CCSER1: variants seen among roughly 807,000 people sequenced by gnomAD.
CCSER1 encodes serine-rich coiled-coil domain-containing protein 1.
In CCSER1, 41 loss-of-function variants were observed where a neutral mutation model predicts 82.0. That is an observed-to-expected ratio of 0.50 (90% CI 0.39 to 0.65). The LOEUF is 0.65. Among genes scored for constraint, CCSER1 ranks in the 30% least tolerant of loss-of-function variants. The probability of loss-of-function intolerance (pLI) is 0.00; values close to 1 mark genes in which losing one functional copy is unlikely to be tolerated. For missense variants in CCSER1, 1,119 were observed against 1,064.2 expected, an observed-to-expected ratio of 1.05 and a Z score of -0.72; for synonymous variants, 414 against 383.9, an observed-to-expected ratio of 1.08 and a Z score of -0.92.
chr4:90,353,625 C>T (rs557335159), intron 3 of CCSER1, among the ~76,000 whole-genome samples: 7 of 152,256 alleles, frequency 4.6e-5, no homozygotes, highest in African/African-American at 1.4e-4. Context: ...AGGTTGTGAT[C>T]CAGGCCTTAA....
intron 7 of CCSER1, among the ~76,000 whole-genome samples, chr4:90,777,885 A>G (rs1316500643): frequency 6.6e-6 from 1 of 152,190 alleles, no homozygotes. Flanking sequence ...TCAATGCTTA[A>G]TCACAAAATA....
chr4:90,435,767 G>A (rs1480483614), intron 4 of CCSER1, among the ~76,000 whole-genome samples: 3 of 151,998 alleles, frequency 2.0e-5, no homozygotes, highest in Admixed American at 6.6e-5. Flanking sequence ...GTAATGATAC[G>A]TAAAATTTCA....
chr4:91,023,175 G>A (rs1470815632), intron 9 of CCSER1, among the ~76,000 whole-genome samples: 1 of 152,164 alleles, frequency 6.6e-6, no homozygotes, highest in African/African-American at 2.4e-5. Context: ...ACAAATGGAA[G>A]AGCATTCCAT....
intron 7 of CCSER1, among the ~76,000 whole-genome samples, chr4:90,735,247 G>T (rs537178240): frequency 6.6e-6 from 1 of 152,190 alleles, no homozygotes; most frequent in South Asian, 2.1e-4. Flanking sequence ...GAGTATATTT[G>T]CATCAATGTT....
At chr4:91,522,547 G>C (rs190570070) in intron 10 of CCSER1, among the ~76,000 whole-genome samples, 339 of 151,998 alleles carry the variant, frequency 2.2e-3, no homozygotes, top group Middle Eastern at 3.4e-3. Context: ...CTTTTATTTC[G>C]TTGAGCAGTG....
intron 4 of CCSER1, among the ~76,000 whole-genome samples, chr4:90,436,174 G>A (rs1758970679): frequency 6.6e-6 from 1 of 152,036 alleles, no homozygotes; most frequent in African/African-American, 2.4e-5. Flanking sequence ...TTAGGGTTGT[G>A]TTTTTACTTA....
intron 10 of CCSER1, among the ~76,000 whole-genome samples, chr4:91,581,343 A>G (rs920313608): frequency 6.6e-6 from 1 of 151,712 alleles, no homozygotes; most frequent in Non-Finnish European, 1.5e-5. Flanking sequence ...TGGTATAGCA[A>G]ATTTTGCCAG....
At chr4:90,666,457 C>T (rs561793374) in intron 6 of CCSER1, among the ~76,000 whole-genome samples, 1 of 152,212 alleles carries the variant, frequency 6.6e-6, no homozygotes, top group Non-Finnish European at 1.5e-5. Context: ...TGGCATTAAT[C>T]AGCCAAAAAT....
intron 9 of CCSER1, among the ~76,000 whole-genome samples, chr4:90,998,373 C>T (rs1043461716): frequency 3.3e-5 from 5 of 152,146 alleles, no homozygotes; most frequent in African/African-American, 7.2e-5. Context: ...AGCCACTGCG[C>T]CCACCCTAAT....
intron 10 of CCSER1, among the ~76,000 whole-genome samples, chr4:91,513,814 A>AT (rs201609852): frequency 0.017 from 2,605 of 150,622 alleles, 69 homozygotes; most frequent in African/African-American, 0.055. Flanking sequence ...TAATGTTACC[A>AT]TTTTTTTTTA....
chr4:91,503,221 G>A (rs957794185), intron 10 of CCSER1, among the ~76,000 whole-genome samples: 12 of 151,568 alleles, frequency 7.9e-5, no homozygotes, highest in East Asian at 3.9e-4. Flanking sequence ...GGGCGCCTGT[G>A]GTCCCAGCTA....
chr4:90,760,030 T>C (rs1750181724), intron 7 of CCSER1, among the ~76,000 whole-genome samples: 1 of 152,008 alleles, frequency 6.6e-6, no homozygotes, highest in Non-Finnish European at 1.5e-5. Context: ...AGAAGCTTTA[T>C]GGATTTCTTT....
intron 8 of CCSER1, among the ~76,000 whole-genome samples, chr4:90,882,945 T>C (rs1290447078): frequency 6.6e-6 from 1 of 152,114 alleles, no homozygotes; most frequent in Non-Finnish European, 1.5e-5. Context: ...TTTAGAGCAA[T>C]ATTTATCAAG....
At chr4:90,594,719 A>G (rs1783106802) in intron 5 of CCSER1, among the ~76,000 whole-genome samples, 1 of 152,112 alleles carries the variant, frequency 6.6e-6, no homozygotes, top group African/African-American at 2.4e-5. Context: ...TACCAGCAGA[A>G]TAGTAAATTG....
intron 9 of CCSER1, chr4:90,951,013 T>C (rs1309046784): frequency 2.0e-5 from 3 of 152,126 alleles, no homozygotes; most frequent in Non-Finnish European, 2.9e-5. Flanking sequence ...TAAGCAAAGT[T>C]AAAGGGAGTA....
At chr4:90,898,444 ATT>A (rs538250886) in intron 8 of CCSER1, among the ~76,000 whole-genome samples, 26 of 138,810 alleles carry the variant, frequency 1.9e-4, no homozygotes, top group South Asian at 2.3e-4. Context: ...TGCCTGGCTA[ATT>A]TTTTTTTTTT....
chr4:90,627,438 A>T (rs1723495940), intron 5 of CCSER1, among the ~76,000 whole-genome samples: 1 of 151,862 alleles, frequency 6.6e-6, no homozygotes, highest in Non-Finnish European at 1.5e-5. Flanking sequence ...TAAGAAAATA[A>T]TATAATTCAG....
intron 4 of CCSER1, among the ~76,000 whole-genome samples, chr4:90,463,818 A>G (rs887564899): frequency 2.0e-5 from 3 of 152,102 alleles, no homozygotes; most frequent in African/African-American, 7.2e-5. Context: ...AGTCACTTAA[A>G]TGTTTTAATT....
intron 10 of CCSER1, among the ~76,000 whole-genome samples, chr4:91,292,373 T>C (rs1318130529): frequency 6.6e-6 from 1 of 152,044 alleles, no homozygotes; most frequent in Non-Finnish European, 1.5e-5. Context: ...TTATTAAAAT[T>C]CAGGGTTCTG....
Sources: allele counts gnomAD v4.1 joint callset (sites outside exome capture counted in the v4.1 genomes callset), GRCh38; gene constraint gnomAD v4.1.1; transcripts MANE v1.5; gene names NCBI Gene and HGNC (gene_info 2026-07-23, HGNC 2026-07-21).